FAM83H: variants seen among roughly 807,000 people sequenced by gnomAD.
FAM83H encodes scaffolding CK1 anchoring protein H.
In FAM83H, 24 loss-of-function variants were observed where a neutral mutation model predicts 30.2. The observed-to-expected ratio is 0.79, with a 90% CI of 0.57 to 1.12. FAM83H has a LOEUF of 1.12. Among genes scored for constraint, FAM83H ranks in the 50% most tolerant of loss-of-function variants. The pLI is 0.00. For missense variants in FAM83H, 2,038 were observed against 1,773.9 expected (o/e 1.15, Z -2.67); for synonymous variants, 1,013 against 821.7 (o/e 1.23, Z -3.98).
rs2129678692 is a variant in FAM83H, at chr8:143,728,567, G to A, written c.894C>T (p.Ala298=). 1 of 1,592,742 alleles carries A rather than the reference G, an allele frequency of 6.3e-7. No individual in the cohort carries two copies. Among genetic ancestry groups the A allele is most frequent in the Non-Finnish European group, 8.5e-7 (1 of 1,170,582 alleles). ...GCCCGGCCCCGGCATACGGAGCCAG[G>A]GCATAGGCGTCCATGCGGGCCAGGG... ...AAALARMDAY[A]LAPYAGAGPL... Residue 298 remains alanine, a synonymous_variant, in exon 5 of 5, where the codon GCC becomes GCT. Transcript: ENST00000388913.
In FAM83H at chr8:143,725,848, C is replaced by G; in HGVS notation, c.*73G>C. 4.4e-6 allele frequency: 7 copies of G among 1,576,818 alleles called. No individual in the cohort carries two copies. The highest frequency in any genetic ancestry group is 6.0e-6 in the Non-Finnish European group (7 of 1,160,248). On this transcript the variant is annotated 3_prime_UTR_variant, in exon 5 of 5. Coordinates refer to ENST00000388913, the MANE Select transcript of FAM83H (RefSeq NM_198488.5). ...TGCTCAAGCAGATGAGCAGGGCTCT[C>G]TGTTCCGCGGGGCTTCTGGATGACC...
chr8:143,725,959 C>T lies in FAM83H; in HGVS notation c.3502G>A (p.Val1168Met), dbSNP rs369901205. The T allele has an allele frequency of 1.9e-6, 3 of 1,612,992 alleles. No homozygotes were observed. Among genetic ancestry groups the T allele is most frequent in the Non-Finnish European group, 2.5e-6 (3 of 1,179,932 alleles). Residue 1168 changes from valine to methionine, a missense_variant, in exon 5 of 5, where the codon GTG becomes ATG. By Grantham distance (21) the Val-to-Met change is conservative (BLOSUM62 1). Coordinates refer to ENST00000388913, the MANE Select transcript of FAM83H (RefSeq NM_198488.5). ...TTGAACGTGCCCAGGATCTTGGGCA[C>T]GAACTTGCCCACCTTGCTGTCCCTG... ...GTRDSKVGKF[V>M]PKILGTFKSK...
At position 143,728,078 on chromosome 8, in the gene FAM83H, G is replaced by T; in HGVS notation, c.1383C>A (p.Asp461Glu). ...GCGGGCGCGCCGGCGTGAGCTGCGGGTCCCACTGGTACTGCTGCTGGTAGA... is the reference window on the plus strand; with the variant it reads ...GCGGGCGCGCCGGCGTGAGCTGCGGTTCCCACTGGTACTGCTGCTGGTAGA... ...DQLYQQQYQW[D>E]PQLTPARPQG... The change falls in exon 5 of 5, where the codon GAC (aspartate) becomes GAA (glutamate). Residue 461 changes from aspartate (D) to glutamate (E), a missense_variant. Transcript: ENST00000388913. 6.2e-7 allele frequency: 1 copy of T among 1,610,628 alleles called. No homozygotes were observed.
rs1554620863 is a variant in FAM83H at position 143,724,345 on chromosome 8, A to G, written c.*1576T>C. 2.6e-5 allele frequency: 4 copies of G among 152,062 alleles called. No individual in the cohort carries two copies. Among genetic ancestry groups the G allele is most frequent in the Admixed American group, 2.6e-4 (4 of 15,266 alleles). The allele number at this position is 152,062 out of a possible 1,614,324, so 9.4% of individuals were successfully genotyped here. ...TTTCTTAAATCAGTTCCCTCTTAGG[A>G]TTTATTACACTAAAAAAAAAATTAG... is the stretch of plus-strand genomic sequence containing the variant. On this transcript the variant is annotated 3_prime_UTR_variant, in exon 5 of 5. Transcript: ENST00000388913.
chr8:143,732,585 T>A, intron 1 of FAM83H: 1 of 985,330 alleles, frequency 1.0e-6, no homozygotes, highest in Non-Finnish European at 1.2e-6. Context: ...GCAGGGACCA[T>A]CCAGACAGTG....
rs541570008 is a variant in FAM83H, at chr8:143,727,346, C to T, written c.2115G>A (p.Lys705=). 1 of 1,567,190 alleles carries T rather than the reference C, an allele frequency of 6.4e-7. No individual in the cohort carries two copies. Among genetic ancestry groups the T allele is most frequent in the Non-Finnish European group, 8.6e-7 (1 of 1,164,542 alleles). ...GAAGAAAATE[K]VQLLHKEQTV... ...TCTGCTCCTTGTGCAGCAGCTGCAC[C>T]TTCTCAGTGGCCGCCGCAGCCCCGG... Residue 705 remains lysine, a synonymous_variant, in exon 5 of 5, where the codon AAG becomes AAA. Transcript: ENST00000388913.
In FAM83H at chr8:143,727,037, C is replaced by A. The variant is rs1818323878; in HGVS notation, c.2424G>T (p.Gln808His). The A allele has an allele frequency of 6.4e-7, 1 of 1,555,022 alleles. No individual in the cohort carries two copies. The highest frequency in any genetic ancestry group is 8.7e-7 in the Non-Finnish European group (1 of 1,155,758). Residue 808 changes from glutamine to histidine, a missense_variant, in exon 5 of 5, where the codon CAG becomes CAT. By Grantham distance (24) the Gln-to-His change is conservative. Transcript: ENST00000388913. ...AQQLHQEAER[Q>H]PGAASLTAAQ... ...CCGCGGTGAGCGACGCGGCTCCCGG[C>A]TGCCGCTCCGCCTCCTGGTGCAGCT...
intron 1 of FAM83H, chr8:143,731,731 C>T (rs943062790): frequency 6.1e-6 from 6 of 985,372 alleles, no homozygotes; most frequent in Admixed American, 1.2e-4. Flanking sequence ...CCTGTCCCCA[C>T]CAGCCCCCAT....
rs201120639 is a variant in FAM83H, at chr8:143,728,025, C to T, written c.1436G>A (p.Gly479Asp). 42 of 1,604,134 alleles carry T rather than the reference C, an allele frequency of 2.6e-5. No homozygotes were observed. Among genetic ancestry groups the T allele is most frequent in the Middle Eastern group, 1.9e-4 (1 of 5,138 alleles). Residue 479 changes from glycine (G) to aspartate (D), a missense_variant, in exon 5 of 5, where the codon GGC becomes GAC. By Grantham distance (94) the Gly-to-Asp change is moderately conservative (BLOSUM62 -1). Transcript: ENST00000388913. ...ATCCGGGTCCGCGAAACCCGCGCGG[C>T]CCCCGCGAAGCTTCTCGAACAGGCC... ...PQGLFEKLRG[G>D]RAGFADPDDF...
Position 143,726,892 on chromosome 8 carries a change from A to G in FAM83H, c.2569T>C (p.Ser857Pro). The change falls in exon 5 of 5, where the codon TCC (serine) becomes CCC (proline). Residue 857 changes from serine to proline, a missense_variant. Ser to Pro is a moderately conservative substitution (Grantham distance 74). Transcript: ENST00000388913. ...GLDSPLPLEG[S>P]GAHQVLHNES... ...TTATGGAGCACCTGGTGCGCTCCGG[A>G]CCCTTCCAGCGGCAGAGGGCTGTCC... is the stretch of plus-strand genomic sequence containing the variant. 1 of 1,612,546 alleles carries G rather than the reference A, an allele frequency of 6.2e-7. No homozygotes were observed. The highest frequency in any genetic ancestry group is 1.1e-5 in the South Asian group (1 of 91,040).
In FAM83H at chr8:143,727,004, C is replaced by G. The variant is rs782654478; in HGVS notation, c.2457G>C (p.Leu819=). The change falls in exon 5 of 5, where the codon CTG becomes CTC. Residue 819 remains leucine (L), a synonymous_variant. Transcript: ENST00000388913. ...AGCCGCTCCGGCCCAGTGTGTCGAGCAGCTGCGCCGCGGTGAGCGACGCGG... is the reference window on the plus strand; with the variant it reads ...AGCCGCTCCGGCCCAGTGTGTCGAGGAGCTGCGCCGCGGTGAGCGACGCGG... ...PGAASLTAAQ[L]LDTLGRSGSD... The G allele has an allele frequency of 6.3e-7, 1 of 1,584,074 alleles. No individual in the cohort carries two copies. The highest frequency in any genetic ancestry group is 1.3e-5 in the African/African-American group (1 of 74,342).
intron 1 of FAM83H, chr8:143,732,099 G>C (rs1554624668): frequency 1.0e-5 from 10 of 985,322 alleles, no homozygotes; most frequent in Non-Finnish European, 1.2e-5. Flanking sequence ...CGGCCAGCTG[G>C]ACTACATGGG....
At chr8:143,731,208 T>A in intron 1 of FAM83H, 1 of 268,600 alleles carries the variant, frequency 3.7e-6, no homozygotes. Flanking sequence ...TTTTCTTATT[T>A]TAAGACATTC....
At chr8:143,732,042 G>A (rs1818539672) in intron 1 of FAM83H, 5 of 985,434 alleles carry the variant, frequency 5.1e-6, no homozygotes, top group Non-Finnish European at 6.0e-6. Flanking sequence ...CCCTGGCTAG[G>A]AAGGTGCCCA....
At chr8:143,731,341 C>G in intron 1 of FAM83H, 1 of 985,354 alleles carries the variant, frequency 1.0e-6, no homozygotes, top group East Asian at 1.1e-4. Context: ...ACCTCTACTG[C>G]ACAACACAGC....
chr8:143,728,214 C>T lies in FAM83H; in HGVS notation c.1247G>A (p.Gly416Asp). ...AFKRHSFATE[G>D]AGAVENFAAA... ...CGCGAAGTTCTCCACGGCGCCCGCG[C>T]CCTCGGTCGCGAAGCTGTGCCGCTT... Residue 416 changes from glycine (G) to aspartate (D), a missense_variant, in exon 5 of 5, where the codon GGC becomes GAC. Transcript: ENST00000388913. 2.5e-6 allele frequency: 4 copies of T among 1,597,564 alleles called. No homozygotes were observed. Among genetic ancestry groups the T allele is most frequent in the Non-Finnish European group, 3.4e-6 (4 of 1,176,502 alleles).
rs1554622612 is a variant in FAM83H at position 143,727,490 on chromosome 8, C to T, written c.1971G>A (p.Pro657=). 2.6e-6 allele frequency: 4 copies of T among 1,568,434 alleles called. No homozygotes were observed. Among genetic ancestry groups the T allele is most frequent in the South Asian group, 1.1e-5 (1 of 87,922 alleles). ...SGGNGPEREG[P]EEPGLAKQDS... ...CCTGCTTGGCCAGGCCAGGCTCCTC[C>T]GGGCCCTCGCGCTCTGGGCCGTTGC... is the stretch of plus-strand genomic sequence containing the variant. Residue 657 remains proline (P), a synonymous_variant, in exon 5 of 5, where the codon CCG becomes CCA. Transcript: ENST00000388913.
Position 143,726,729 on chromosome 8 carries a change from C to A in FAM83H, c.2732G>T (p.Arg911Leu). The A allele has an allele frequency of 1.9e-6, 3 of 1,610,988 alleles. No homozygotes were observed. Among genetic ancestry groups the A allele is most frequent in the Non-Finnish European group, 2.5e-6 (3 of 1,179,504 alleles). ...KGSPTSAYPE[R>L]RGSPVPPVPE... Reference sequence around the variant, plus strand: ...CACGGGGGGCACCGGACTACCCCTGCGCTCGGGGTAGGCTGAGGTGGGGCT... The same window carrying A: ...CACGGGGGGCACCGGACTACCCCTGAGCTCGGGGTAGGCTGAGGTGGGGCT... Residue 911 changes from arginine to leucine, a missense_variant, in exon 5 of 5, where the codon CGC (arginine) becomes CTC (leucine). By Grantham distance (102) the Arg-to-Leu change is moderately radical. Transcript: ENST00000388913.
Position 143,726,477 on chromosome 8 carries a change from T to A in FAM83H, c.2984A>T (p.Gln995Leu). 1 of 1,604,484 alleles carries A rather than the reference T, an allele frequency of 6.2e-7. No individual in the cohort carries two copies. The highest frequency in any genetic ancestry group is 8.5e-7 in the Non-Finnish European group (1 of 1,178,820). The change falls in exon 5 of 5, where the codon CAA becomes CTA. Residue 995 changes from glutamine (Q) to leucine (L), a missense_variant. Physicochemically the swap from Gln to Leu is moderately radical, Grantham distance 113 (BLOSUM62 -2). Transcript: ENST00000388913. ...GGFPVPQENG[Q>L]PESPRRLSLG... ...TGACAGACGCCGCGGGCTCTCGGGT[T>A]GGCCGTTCTCCTGCGGCACTGGGAA...
Sources: gnomAD v4.1 joint callset for allele counts on GRCh38, gnomAD v4.1.1 for gene constraint, MANE v1.5 for transcripts, NCBI Gene and HGNC (gene_info 2026-07-23, HGNC 2026-07-21) for gene names.